Variants in NXPE2 observed in about 807,000 individuals in gnomAD.
NXPE2 encodes the protein neurexophilin and PC-esterase domain family member 2, also known as NXPE family member 2.
Under a neutral mutation model 34.4 loss-of-function variants are expected in NXPE2, and 34 were observed. That is an observed-to-expected ratio of 0.99 (90% CI 0.75 to 1.31). The LOEUF (loss-of-function observed/expected upper bound fraction) is 1.31, where lower values mean the gene tolerates loss of function less well. NXPE2 is among the 40% of genes most tolerant of loss of function. The pLI is 0.00. For missense variants in NXPE2, 649 were observed against 672.5 expected, an observed-to-expected ratio of 0.97 and a Z score of 0.39; for synonymous variants, 235 against 231.3, an observed-to-expected ratio of 1.02 and a Z score of -0.15.
At chr11:114,540,570 AT>A in the NXPE2 span, among the ~76,000 whole-genome samples, 1 of 151,678 alleles carries the variant, frequency 6.6e-6, no homozygotes, top group East Asian at 1.9e-4. Flanking sequence ...ATGGGAAATA[AT>A]TTTTTTTTAA....
chr11:114,725,228 C>T, the NXPE2 span, among the ~76,000 whole-genome samples: 1 of 152,076 alleles, frequency 6.6e-6, no homozygotes, highest in Non-Finnish European at 1.5e-5. Flanking sequence ...CTAACATTAG[C>T]ACGTATCAGT....
chr11:114,661,885 T>C, the NXPE2 span, among the ~76,000 whole-genome samples: 11 of 152,150 alleles, frequency 7.2e-5, no homozygotes, highest in African/African-American at 2.7e-4. Context: ...ATATGGTCAA[T>C]GGGTTTTTGA....
chr11:114,503,791 G>A, the NXPE2 span, among the ~76,000 whole-genome samples: 1 of 152,202 alleles, frequency 6.6e-6, no homozygotes, highest in Non-Finnish European at 1.5e-5. Flanking sequence ...AGTTTGAAAA[G>A]GTCCATAGTG....
the NXPE2 span, among the ~76,000 whole-genome samples, chr11:114,648,109 C>A: frequency 6.6e-6 from 1 of 151,948 alleles, no homozygotes; most frequent in African/African-American, 2.4e-5. Flanking sequence ...CTCCAAAAAC[C>A]CTTAGAATCT....
chr11:114,605,558 A>G, the NXPE2 span, among the ~76,000 whole-genome samples: 1 of 151,634 alleles, frequency 6.6e-6, no homozygotes, highest in Non-Finnish European at 1.5e-5. Context: ...ATGGGTAACC[A>G]CTGTTACCCG....
chr11:114,551,031 G>T, the NXPE2 span: 1 of 775,564 alleles, frequency 1.3e-6, no homozygotes, highest in Non-Finnish European at 2.2e-6. Flanking sequence ...TAATGGAGTG[G>T]GACTGACTTG....
chr11:114,576,210 T>C, the NXPE2 span, among the ~76,000 whole-genome samples: 1 of 152,154 alleles, frequency 6.6e-6, no homozygotes, highest in Non-Finnish European at 1.5e-5. Context: ...TCCAGATGGA[T>C]CAAAGACTTA....
At chr11:114,790,639 C>T in the NXPE2 span, among the ~76,000 whole-genome samples, 2 of 152,144 alleles carry the variant, frequency 1.3e-5, no homozygotes, top group African/African-American at 4.8e-5. Context: ...GAAGTGCACC[C>T]AGGAGTCCTC....
At chr11:114,759,184 C>T in the NXPE2 span, among the ~76,000 whole-genome samples, 2 of 152,198 alleles carry the variant, frequency 1.3e-5, no homozygotes, top group Non-Finnish European at 2.9e-5. Flanking sequence ...CAATTTCACC[C>T]ACACAGAAGT....
the NXPE2 span, among the ~76,000 whole-genome samples, chr11:114,775,387 G>A: frequency 5.3e-5 from 8 of 152,174 alleles, no homozygotes; most frequent in Non-Finnish European, 8.8e-5. Flanking sequence ...AGTTGTTAGG[G>A]GGGGCAAGAG....
chr11:114,606,937 C>A, the NXPE2 span, among the ~76,000 whole-genome samples: 5 of 151,864 alleles, frequency 3.3e-5, no homozygotes, highest in Admixed American at 2.0e-4. Flanking sequence ...TCATGGGTAA[C>A]CACTGTTATC....
chr11:114,805,568 C>T, the NXPE2 span, among the ~76,000 whole-genome samples: 22,375 of 152,236 alleles, frequency 0.15, 1,648 homozygotes, highest in South Asian at 0.19. Flanking sequence ...GAGGGTCCTA[C>T]GCCCACGGCG....
chr11:114,528,013 G>C, the NXPE2 span: 3 of 662,086 alleles, frequency 4.5e-6, no homozygotes, highest in Non-Finnish European at 7.5e-6. Flanking sequence ...ACTGGAAGCT[G>C]TTATTATTGT....
At chr11:114,522,397 G>A in the NXPE2 span, 5,781 of 1,614,014 alleles carry the variant, frequency 3.6e-3, 195 homozygotes, top group African/African-American at 0.068. Flanking sequence ...GGAAAGTGAC[G>A]AAGGGATAGC....
the NXPE2 span, among the ~76,000 whole-genome samples, chr11:114,614,263 A>T: frequency 6.8e-6 from 1 of 146,876 alleles, no homozygotes; most frequent in Non-Finnish European, 1.5e-5. Flanking sequence ...GATAGTAAGT[A>T]TTGCTTCATG....
chr11:114,501,988 C>T, the NXPE2 span, among the ~76,000 whole-genome samples: 2 of 152,152 alleles, frequency 1.3e-5, no homozygotes, highest in African/African-American at 4.8e-5. Flanking sequence ...GACAGTGTTT[C>T]CTAACCATTG....
the NXPE2 span, among the ~76,000 whole-genome samples, chr11:114,480,847 C>T: frequency 6.6e-6 from 1 of 152,104 alleles, no homozygotes; most frequent in South Asian, 2.1e-4. Flanking sequence ...TAAGTTACTT[C>T]AGAACAGTAT....
At chr11:114,613,328 C>T in the NXPE2 span, among the ~76,000 whole-genome samples, 2 of 150,964 alleles carry the variant, frequency 1.3e-5, no homozygotes, top group Non-Finnish European at 3.0e-5. Context: ...CCACTGTTAC[C>T]CGATGGATAA....
the NXPE2 span, among the ~76,000 whole-genome samples, chr11:114,485,591 A>T: frequency 6.6e-6 from 1 of 151,818 alleles, no homozygotes; most frequent in African/African-American, 2.4e-5. Context: ...TGTGCTATCA[A>T]ATAATAAATC....
Sources: allele counts gnomAD v4.1 joint callset (sites outside exome capture counted in the v4.1 genomes callset), GRCh38; gene constraint gnomAD v4.1.1; transcripts MANE v1.5; gene names NCBI Gene and HGNC (gene_info 2026-07-23, HGNC 2026-07-21).